Variants in ZNF425 observed in about 807,000 individuals in gnomAD.
The protein encoded by ZNF425 is zinc finger protein 425.
Under a neutral mutation model 17.0 loss-of-function variants are expected in ZNF425, and 21 were observed. The ratio of observed to expected loss-of-function variants is 1.23; its 90% CI spans 0.88 to 1.78. ZNF425 has a LOEUF of 1.78. Among genes scored for constraint, ZNF425 ranks in the 40% most tolerant of loss-of-function variants. ZNF425 has a pLI of 0.00. For synonymous variants in ZNF425, 433 were observed against 384.1 expected (o/e 1.13, Z -1.49); for missense variants, 868 against 967.3 (o/e 0.90, Z 1.36).
chr7:149,104,087 G>A lies in ZNF425; in HGVS notation c.1784C>T (p.Ser595Phe). 1 of 1,612,850 alleles carries A rather than the reference G, an allele frequency of 6.2e-7. No individual in the cohort carries two copies. Among genetic ancestry groups the A allele is most frequent in the Non-Finnish European group, 8.5e-7 (1 of 1,179,972 alleles). Reference protein sequence around the residue: ...GECDKTYTHQSQLTEHLRLHS... With the variant: ...GECDKTYTHQFQLTEHLRLHS... ...CAGCCTCAGGTGCTCGGTGAGCTGA[G>A]ACTGATGCGTGTAGGTCTTGTCACA... The change falls in exon 4 of 4, where the codon TCT (serine) becomes TTT (phenylalanine). Residue 595 changes from serine (S) to phenylalanine (F), a missense_variant. Coordinates refer to ENST00000378061, the MANE Select transcript of ZNF425 (RefSeq NM_001001661.3). The surrounding 1 kb of genome is among the most constrained non-coding windows in gnomAD (Gnocchi z 4.3).
intron 1 of ZNF425, among the ~76,000 whole-genome samples, chr7:149,124,526 T>TTTG (rs201558229): frequency 0.011 from 1,647 of 150,886 alleles, 12 homozygotes; most frequent in African/African-American, 0.024. Context: ...CCCATATTTT[T>TTTG]TTGTTGTTGT....
Position 149,116,087 on chromosome 7 carries a change from G to A in ZNF425, c.145+2135C>T, listed in dbSNP as rs193147424. ...AGCTCTCATCTGTCCCACCCTGCTG[G>A]CTCCTGGGCCTCGGTGTCCTCAGGT... On this transcript the variant is annotated intron_variant, in intron 2 of 3. Transcript: ENST00000378061. Among the ~76,000 whole-genome samples, 122 of 152,254 alleles carry A rather than the reference G, an allele frequency of 8.0e-4. 1 individual carries two copies. The highest frequency in any genetic ancestry group is 1.5e-3 in the Non-Finnish European group (101 of 68,020).
In ZNF425 at chr7:149,105,434, G is replaced by A. The variant is rs374077359; in HGVS notation, c.437C>T (p.Pro146Leu). The change falls in exon 4 of 4, where the codon CCA becomes CTA. Residue 146 changes from proline (P) to leucine (L), a missense_variant. Physicochemically the swap from Pro to Leu is moderately conservative, Grantham distance 98. Coordinates refer to ENST00000378061, the MANE Select transcript of ZNF425 (RefSeq NM_001001661.3). ...LLAQTATFQS[P>L]SLRETEILNK... is the part of the protein sequence containing the mutation. ...TAGAATCTCTGTTTCTCGGAGACTT[G>A]GAGACTGGAAGGTGGCTGTTTGAGC... 2.2e-4 allele frequency: 342 copies of A among 1,555,784 alleles called. No homozygotes were observed. The highest frequency in any genetic ancestry group is 2.8e-4 in the Non-Finnish European group (329 of 1,156,052).
At position 149,103,897 on chromosome 7, in the gene ZNF425, T is replaced by C; in HGVS notation, c.1974A>G (p.Arg658=). Residue 658 remains arginine (R), a synonymous_variant, in exon 4 of 4, where the codon CGA becomes CGG. Transcript: ENST00000378061. ...TQQYRLTEHI[R]VHSGEKPFQC... is the part of the protein sequence containing the mutation. Reference sequence around the variant, plus strand: ...GGAAGGGCTTCTCCCCGCTGTGGACTCGAATGTGTTCTGTGAGCCGGTACT... The same window carrying C: ...GGAAGGGCTTCTCCCCGCTGTGGACCCGAATGTGTTCTGTGAGCCGGTACT... 6.2e-7 allele frequency: 1 copy of C among 1,612,098 alleles called. No individual in the cohort carries two copies. The highest frequency in any genetic ancestry group is 8.5e-7 in the Non-Finnish European group (1 of 1,179,338).
chr7:149,112,506 G>A (rs570983101), intron 2 of ZNF425: 9 of 441,484 alleles, frequency 2.0e-5, no homozygotes, highest in African/African-American at 6.0e-5. Context: ...GGTAGCACAC[G>A]CTTGTAATAC....
chr7:149,121,079 C>CTT lies in ZNF425; in HGVS notation c.19-2733_19-2732dup, dbSNP rs75534831. Among the ~76,000 whole-genome samples the CTT allele has an allele frequency of 4.5e-3, 285 of 62,766 alleles. 14 individuals carry two copies. The highest frequency in any genetic ancestry group is 0.013 in the African/African-American group (149 of 11,558). 41.2% of individuals were successfully genotyped at this position (62,766 alleles called of 152,430 possible). A position where few individuals can be genotyped will look rare whatever the true frequency, so the allele number is the denominator to read the frequency against. On this transcript the variant is annotated intron_variant, in intron 1 of 3. Transcript: ENST00000378061. The stretch of plus-strand genomic sequence containing the variant: ...AGAGTGGCTGGGCCATTTTACATTC[C>CTT]TTTTTTTTTTTTTTTTTTTTTTTTT...
chr7:149,124,124 G>C (rs1004514627), intron 1 of ZNF425, among the ~76,000 whole-genome samples: 2 of 151,284 alleles, frequency 1.3e-5, no homozygotes, highest in African/African-American at 4.9e-5. Flanking sequence ...TGGGATTACA[G>C]GCCTGAGCTA....
chr7:149,105,934 CT>C lies in ZNF425; in HGVS notation c.305-369del, dbSNP rs201501374. ...ACAGGCGTGAGCCACCGCGCTTGGC[CT>C]TTTTTAAAAAAAATTTTTTTCCTTT... On this transcript the variant is annotated intron_variant, in intron 3 of 3. Transcript: ENST00000378061. Among the ~76,000 whole-genome samples, 24 of 141,234 alleles carry C rather than the reference CT, an allele frequency of 1.7e-4. 1 individual carries two copies. The highest frequency in any genetic ancestry group is 5.8e-4 in the African/African-American group (22 of 38,154). 92.7% of individuals were successfully genotyped at this position (141,234 alleles called of 152,430 possible).
At chr7:149,117,250 CAA>C (rs57437593) in intron 2 of ZNF425, among the ~76,000 whole-genome samples, 1 of 143,556 alleles carries the variant, frequency 7.0e-6, no homozygotes, top group Non-Finnish European at 1.5e-5. Flanking sequence ...GACTCCGTCT[CAA>C]AAAAAAAAAA....
At chr7:149,114,371 C>CTTTTT (rs55950010) in intron 2 of ZNF425, among the ~76,000 whole-genome samples, 2 of 112,550 alleles carry the variant, frequency 1.8e-5, no homozygotes, top group African/African-American at 3.4e-5. Context: ...TGCGCCCAGC[C>CTTTTT]TTTTTTTTTT....
rs1329719201 is a variant in ZNF425, at chr7:149,104,246, G to GT, written c.1624dup (p.Thr542AsnfsTer45). 1.2e-6 allele frequency: 2 copies of GT among 1,613,502 alleles called. No individual in the cohort carries two copies. Among genetic ancestry groups the GT allele is most frequent in the Non-Finnish European group, 1.7e-6 (2 of 1,179,844 alleles). ...GCCACTGTGAAGCCTCGTGTGCTCTGTGAGATGCGCGCGTCGGCGGAAACT... is the reference window on the plus strand; with the variant it reads ...GCCACTGTGAAGCCTCGTGTGCTCTGTTGAGATGCGCGCGTCGGCGGAAACT... On this transcript the variant is annotated frameshift_variant, in exon 4 of 4. Coordinates refer to ENST00000378061, the MANE Select transcript of ZNF425 (RefSeq NM_001001661.3). LOFTEE classifies it low-confidence loss of function (END_TRUNC). This position sits in a 1 kb window ranked among gnomAD's most constrained non-coding sequence, Gnocchi z 4.3.
intron 1 of ZNF425, chr7:149,125,804 T>G: frequency 2.8e-6 from 1 of 362,856 alleles, no homozygotes. Flanking sequence ...GCTGGGCCGG[T>G]TCCCCCTCCC....
chr7:149,119,721 C>T (rs1390998364), intron 1 of ZNF425, among the ~76,000 whole-genome samples: 2 of 151,880 alleles, frequency 1.3e-5, no homozygotes, highest in African/African-American at 4.8e-5. Flanking sequence ...TGAGACCAGC[C>T]TGAGCAACAT....
chr7:149,122,041 G>C (rs1246616522), intron 1 of ZNF425, among the ~76,000 whole-genome samples: 1 of 150,168 alleles, frequency 6.7e-6, no homozygotes, highest in African/African-American at 2.4e-5. Flanking sequence ...TCAGCCTCCT[G>C]AGTAGCTGGG....
chr7:149,121,658 G>A (rs1826355084), intron 1 of ZNF425, among the ~76,000 whole-genome samples: 1 of 152,136 alleles, frequency 6.6e-6, no homozygotes, highest in African/African-American at 2.4e-5. Flanking sequence ...CCAAAGTGCT[G>A]GGATTACAGG....
chr7:149,117,872 G>A (rs984908507), intron 2 of ZNF425, among the ~76,000 whole-genome samples: 1 of 151,762 alleles, frequency 6.6e-6, no homozygotes, highest in South Asian at 2.1e-4. Context: ...GGCTGGTCTC[G>A]AACTCCTGAT....
Position 149,104,727 on chromosome 7 carries a change from C to G in ZNF425, c.1144G>C (p.Glu382Gln). Residue 382 changes from glutamate (E) to glutamine (Q), a missense_variant, in exon 4 of 4, where the codon GAG (glutamate) becomes CAG (glutamine). By Grantham distance (29) the Glu-to-Gln change is conservative. Around this residue, in one of 5 missense-constraint regions of ZNF425, gnomAD observed 243 missense variants for 265.2 expected, o/e 0.92. Transcript: ENST00000378061. The surrounding 1 kb of genome is among the most constrained non-coding windows in gnomAD (Gnocchi z 4.3). ...TCACCACAAGAAAACGGCTTTTCCT[C>G]GCTGTGCGTCCTCTGGTGGGTCTTC... Reference protein sequence around the residue: ...ALKTHQRTHSEEKPFSCGECG... With the variant: ...ALKTHQRTHSQEKPFSCGECG... The G allele has an allele frequency of 6.2e-7, 1 of 1,613,294 alleles. No individual in the cohort carries two copies. The highest frequency in any genetic ancestry group is 8.5e-7 in the Non-Finnish European group (1 of 1,179,964).
At chr7:149,122,809 C>A (rs1478681893) in intron 1 of ZNF425, among the ~76,000 whole-genome samples, 1 of 152,188 alleles carries the variant, frequency 6.6e-6, no homozygotes, top group Admixed American at 6.5e-5. Flanking sequence ...AGTCCTCCTG[C>A]CTCAGCCTCC....
intron 1 of ZNF425, chr7:149,125,679 T>C (rs1826453113): frequency 1.2e-5 from 2 of 162,694 alleles, no homozygotes; most frequent in Non-Finnish European, 1.3e-5. Flanking sequence ...CCAACTTTTA[T>C]TTATGTATTA....
Sources: allele counts gnomAD v4.1 joint callset (sites outside exome capture counted in the v4.1 genomes callset), GRCh38; gene constraint gnomAD v4.1.1; regional missense constraint gnomAD v4.1.1; non-coding constraint Gnocchi (gnomAD v3.1); transcripts MANE v1.5; gene names NCBI Gene and HGNC (gene_info 2026-07-23, HGNC 2026-07-21).